The following PDE12 variants were observed in gnomAD, a reference collection of about 807,000 sequenced individuals.
PDE12 encodes the protein 2',5'-phosphodiesterase 12.
Under a neutral mutation model 45.4 loss-of-function variants are expected in PDE12, and 26 were observed. That is an observed-to-expected ratio of 0.57 (90% CI 0.42 to 0.79). The LOEUF (loss-of-function observed/expected upper bound fraction) is 0.79. Ranked by LOEUF, PDE12 falls within the 30% of genes least tolerant of loss-of-function variation. PDE12 has a pLI of 0.00. For synonymous variants in PDE12, 283 were observed against 323.9 expected, an observed-to-expected ratio of 0.87 and a Z score of 1.36; for missense variants, 668 against 790.0, an observed-to-expected ratio of 0.85 and a Z score of 1.85.
At chr3:57,647,906 AG>A in the PDE12 span, among the ~76,000 whole-genome samples, 736 of 152,152 alleles carry the variant, frequency 4.8e-3, 4 homozygotes, top group African/African-American at 0.017. Context: ...GAGCAGGGTA[AG>A]GAGGGTATCC....
At chr3:57,630,294 T>C in the PDE12 span, 1 of 758,504 alleles carries the variant, frequency 1.3e-6, no homozygotes, top group African/African-American at 1.8e-5. Context: ...TAGCACATGA[T>C]CTAGAAAAGT....
chr3:57,651,714 A>G, the PDE12 span, among the ~76,000 whole-genome samples: 1 of 152,290 alleles, frequency 6.6e-6, no homozygotes, highest in East Asian at 1.9e-4. Context: ...TAAACCCGGA[A>G]TATCTCACAC....
chr3:57,603,741 G>T, the PDE12 span, among the ~76,000 whole-genome samples: 58,353 of 151,148 alleles, frequency 0.39, 12,581 homozygotes, highest in South Asian at 0.56. Flanking sequence ...TCCTGCCTCA[G>T]CCTCCCAGGT....
At position 57,561,444 on chromosome 3, in the gene PDE12, G is replaced by A. The variant is rs2069727282; in HGVS notation, c.*1440G>A. The A allele has an allele frequency of 2.1e-6, 2 of 973,828 alleles. No individual in the cohort carries two copies. Among genetic ancestry groups the A allele is most frequent in the African/African-American group, 3.5e-5 (2 of 56,944 alleles). The allele number at this position is 973,828 out of a possible 1,614,324, so 60.3% of individuals were successfully genotyped here. The stretch of plus-strand genomic sequence containing the variant: ...ATATGTAATATATATATAGTAAAAT[G>A]AAATTTAAATATGAAGCCAAACTTT... On this transcript the variant is annotated 3_prime_UTR_variant, in exon 3 of 3. Coordinates refer to ENST00000311180, the MANE Select transcript of PDE12 (RefSeq NM_177966.7).
the PDE12 span, chr3:57,583,780 T>A: frequency 1.4e-6 from 1 of 728,506 alleles, no homozygotes; most frequent in Non-Finnish European, 2.3e-6. Context: ...GAAGTGGTGA[T>A]AAGACAAATG....
rs1333648839 is a variant in PDE12 at position 57,559,959 on chromosome 3, T to G, written c.1785T>G (p.His595Gln). The change falls in exon 3 of 3, where the codon CAT (histidine) becomes CAG (glutamine). Residue 595 changes from histidine (H) to glutamine (Q), a missense_variant. This residue lies in a region of PDE12 where 79 missense variants were observed against 97.9 expected (regional missense o/e 0.81). Coordinates refer to ENST00000311180, the MANE Select transcript of PDE12 (RefSeq NM_177966.7). ...ACCAGGCCTTACCTAGTGTTTCCCA[T>G]CCCTCTGATCACATAGCACTTGTAT... ...TTHQALPSVS[H>Q]PSDHIALVCD... 1.2e-6 allele frequency: 2 copies of G among 1,612,390 alleles called. No homozygotes were observed. Among genetic ancestry groups the G allele is most frequent in the East Asian group, 4.5e-5 (2 of 44,874 alleles).
chr3:57,619,811 C>A, the PDE12 span, among the ~76,000 whole-genome samples: 1 of 152,002 alleles, frequency 6.6e-6, no homozygotes, highest in Non-Finnish European at 1.5e-5. Context: ...GATCACACCA[C>A]TGCACTCCAG....
At chr3:57,585,507 C>T in the PDE12 span, among the ~76,000 whole-genome samples, 2 of 152,046 alleles carry the variant, frequency 1.3e-5, no homozygotes, top group Non-Finnish European at 2.9e-5. Context: ...TATCACATTA[C>T]CTAATGTAAA....
At chr3:57,612,150 C>G in the PDE12 span, among the ~76,000 whole-genome samples, 1 of 147,352 alleles carries the variant, frequency 6.8e-6, no homozygotes, top group Non-Finnish European at 1.5e-5. Flanking sequence ...GACAAAAAAC[C>G]AAACATCGTA....
At chr3:57,592,991 G>A in the PDE12 span, among the ~76,000 whole-genome samples, 1 of 152,072 alleles carries the variant, frequency 6.6e-6, no homozygotes, top group Middle Eastern at 3.2e-3. Context: ...GACCTCTTGA[G>A]CCCAGGAGTT....
chr3:57,625,832 T>C, the PDE12 span: 29 of 152,760 alleles, frequency 1.9e-4, no homozygotes, highest in African/African-American at 6.7e-4. Flanking sequence ...ACCATTATCA[T>C]GCTAATTGGC....
At chr3:57,583,728 GT>G in the PDE12 span, among the ~76,000 whole-genome samples, 5 of 152,056 alleles carry the variant, frequency 3.3e-5, no homozygotes. Context: ...CCCTATATAA[GT>G]TAGCCTTCAA....
At chr3:57,582,556 T>C in the PDE12 span, among the ~76,000 whole-genome samples, 1 of 152,082 alleles carries the variant, frequency 6.6e-6, no homozygotes, top group African/African-American at 2.4e-5. Flanking sequence ...ATTCTCGTTT[T>C]TAAATAAAAA....
chr3:57,604,986 A>G, the PDE12 span, among the ~76,000 whole-genome samples: 3 of 152,162 alleles, frequency 2.0e-5, no homozygotes, highest in African/African-American at 2.4e-5. Context: ...CCAAGTAACA[A>G]AAACCAGATT....
the PDE12 span, among the ~76,000 whole-genome samples, chr3:57,653,724 C>T: frequency 2.3e-5 from 3 of 132,570 alleles, no homozygotes; most frequent in South Asian, 2.4e-4. Flanking sequence ...CCGGCCTGGG[C>T]GACAGAGCGA....
the PDE12 span, among the ~76,000 whole-genome samples, chr3:57,587,430 T>G: frequency 2.0e-5 from 3 of 151,976 alleles, no homozygotes; most frequent in East Asian, 5.8e-4. Context: ...CAAAAGCATG[T>G]AGGTAATCCA....
rs2069775160 is a variant in PDE12, at chr3:57,565,364, G to C, written c.*5360G>C. ...TTATCAACTTTTAAAAACATTTTAT[G>C]GGTACATAGTAGGTGTATATATTTA... is the stretch of plus-strand genomic sequence containing the variant. On this transcript the variant is annotated 3_prime_UTR_variant, in exon 3 of 3. Transcript: ENST00000311180. 6.6e-6 allele frequency: 1 copy of C among 152,110 alleles called. No homozygotes were observed. Among genetic ancestry groups the C allele is most frequent in the South Asian group, 2.1e-4 (1 of 4,824 alleles). 9.4% of individuals were successfully genotyped at this position (152,110 alleles called of 1,614,324 possible).
the PDE12 span, chr3:57,598,192 C>T: frequency 6.6e-6 from 1 of 151,954 alleles, no homozygotes; most frequent in African/African-American, 2.4e-5. Flanking sequence ...TCACCGCGCC[C>T]GGCCTGCTAC....
chr3:57,653,713 T>A, the PDE12 span, among the ~76,000 whole-genome samples: 1 of 135,388 alleles, frequency 7.4e-6, no homozygotes, highest in Admixed American at 8.1e-5. Flanking sequence ...ACCACTGCAC[T>A]CCGGCCTGGG....
Sources: allele counts gnomAD v4.1 joint callset (sites outside exome capture counted in the v4.1 genomes callset), GRCh38; gene constraint gnomAD v4.1.1; regional missense constraint gnomAD v4.1.1; transcripts MANE v1.5; gene names NCBI Gene and HGNC (gene_info 2026-07-23, HGNC 2026-07-21).